Variants in CHODL observed in about 807,000 individuals in gnomAD.
CHODL encodes the protein chondrolectin.
In CHODL, 29 loss-of-function variants were observed where a neutral mutation model predicts 34.5. The observed-to-expected ratio is 0.84, with a 90% CI of 0.63 to 1.15. The LOEUF (loss-of-function observed/expected upper bound fraction) is 1.15, where lower values mean the gene tolerates loss of function less well. CHODL is among the 50% of genes most tolerant of loss of function. The pLI is 0.00. For synonymous variants in CHODL, 125 were observed against 116.1 expected (o/e 1.08, Z -0.49); for missense variants, 332 against 332.5 (o/e 1.00, Z 0.01).
chr21:18,100,083 TAAAAATA>T (rs1393063043), intron 2 of CHODL: 2 of 151,594 alleles, frequency 1.3e-5, no homozygotes, highest in Non-Finnish European at 2.9e-5. Flanking sequence ...CCACGACAAA[TAAAAATA>T]AAAATAAATA....
At chr21:18,019,483 G>A (rs1335659902) in intron 1 of CHODL, among the ~76,000 whole-genome samples, 1 of 151,976 alleles carries the variant, frequency 6.6e-6, no homozygotes, top group African/African-American at 2.4e-5. Flanking sequence ...TCAGTTGTTT[G>A]TAATACAAAG....
At chr21:18,075,197 C>T (rs75709256) in intron 2 of CHODL, among the ~76,000 whole-genome samples, 1 of 152,142 alleles carries the variant, frequency 6.6e-6, no homozygotes, top group African/African-American at 2.4e-5. Context: ...AAAGAATGCT[C>T]TCAGCCTCAT....
intron 2 of CHODL, among the ~76,000 whole-genome samples, chr21:18,138,597 G>A (rs1032565431): frequency 1.2e-4 from 19 of 152,214 alleles, no homozygotes; most frequent in African/African-American, 4.6e-4. Flanking sequence ...ATGGATGGAT[G>A]CATTGCCTTG....
intron 1 of CHODL, among the ~76,000 whole-genome samples, chr21:17,962,131 A>G (rs777780899): frequency 2.0e-5 from 3 of 152,216 alleles, no homozygotes; most frequent in Non-Finnish European, 4.4e-5. Flanking sequence ...ACCTATTTTC[A>G]GGGGTGTGGG....
At chr21:18,250,868 A>G (rs577278310) in intron 1 of CHODL, among the ~76,000 whole-genome samples, 1 of 151,942 alleles carries the variant, frequency 6.6e-6, no homozygotes, top group South Asian at 2.1e-4. Context: ...TTTTTTTGCA[A>G]CTAATGGTAG....
intron 2 of CHODL, among the ~76,000 whole-genome samples, chr21:18,041,760 C>T (rs2064378475): frequency 6.6e-6 from 1 of 151,774 alleles, no homozygotes; most frequent in Non-Finnish European, 1.5e-5. Context: ...CATAGAGGCT[C>T]ATATTACAAG....
At chr21:17,926,667 GC>G (rs1212881807) in intron 1 of CHODL, among the ~76,000 whole-genome samples, 2 of 151,942 alleles carry the variant, frequency 1.3e-5, no homozygotes, top group Non-Finnish European at 2.9e-5. Context: ...GACAGAAACC[GC>G]CCCCACGATT....
chr21:18,152,490 G>A (rs2072982193), intron 2 of CHODL, among the ~76,000 whole-genome samples: 1 of 152,166 alleles, frequency 6.6e-6, no homozygotes, highest in African/African-American at 2.4e-5. Context: ...CCTCTTTCAA[G>A]CTCATTGAAG....
At chr21:18,088,912 C>T (rs1461516819) in intron 2 of CHODL, among the ~76,000 whole-genome samples, 1 of 152,138 alleles carries the variant, frequency 6.6e-6, no homozygotes, top group Non-Finnish European at 1.5e-5. Flanking sequence ...CTTACCTAGC[C>T]TGTTCTCAGT....
intron 2 of CHODL, among the ~76,000 whole-genome samples, chr21:18,077,121 A>C (rs1286884196): frequency 4.6e-5 from 7 of 152,182 alleles, no homozygotes; most frequent in Admixed American, 2.6e-4. Context: ...GTAGAGCATT[A>C]AGTCAAAGAA....
intron 5 of CHODL, among the ~76,000 whole-genome samples, chr21:18,265,436 A>G (rs1269931542): frequency 6.6e-6 from 1 of 152,022 alleles, no homozygotes; most frequent in Non-Finnish European, 1.5e-5. Context: ...AAAACTAAGC[A>G]TCGTACATTC....
At chr21:18,117,364 T>C (rs951601946) in intron 2 of CHODL, among the ~76,000 whole-genome samples, 13 of 152,166 alleles carry the variant, frequency 8.5e-5, no homozygotes, top group Admixed American at 4.6e-4. Flanking sequence ...TGGGAAGTAC[T>C]GTGGTTTAAG....
At chr21:18,255,915 T>TTATATTAATATTACA (rs2074309867) in intron 1 of CHODL, among the ~76,000 whole-genome samples, 1 of 152,058 alleles carries the variant, frequency 6.6e-6, no homozygotes, top group South Asian at 2.1e-4. Flanking sequence ...TAGAACTCTA[T>TTATATTAATATTACA]CTTGTCACTT....
rs200948442 is a variant in CHODL at position 18,037,421 on chromosome 21, CTT to C, written c.-45+9453_-45+9454del. On this transcript the variant is annotated intron_variant, in intron 2 of 6. Transcript: ENST00000400127. ...CCTAAAATGGTAGAGTAAGAACAAT[CTT>C]TTAAAATTATCCATAGCAGGAAACA... 8.2e-3 allele frequency among the ~76,000 whole-genome samples: 1,238 copies of C among 151,880 alleles called. 17 individuals carry two copies. The highest frequency in any genetic ancestry group is 0.026 in the African/African-American group (1,084 of 41,474).
At position 18,256,647 on chromosome 21, in the gene CHODL, A is replaced by G. The variant is rs777145979; in HGVS notation, c.218A>G (p.Asn73Ser). 1.2e-6 allele frequency: 2 copies of G among 1,614,132 alleles called. No homozygotes were observed. The highest frequency in any genetic ancestry group is 1.7e-6 in the Non-Finnish European group (2 of 1,180,018). Residue 73 changes from asparagine (N) to serine (S), a missense_variant, in exon 2 of 6, where the codon AAT becomes AGT. By Grantham distance (46) the Asn-to-Ser change is conservative (BLOSUM62 1). Transcript: ENST00000299295. ...GGAGGAGTCCTCCTCAGCCTTGAGA[A>G]TGAAGCAGAACAGAAGTTAATAGAG... ...SEGGVLLSLE[N>S]EAEQKLIESM...
intron 1 of CHODL, among the ~76,000 whole-genome samples, chr21:17,995,689 C>G (rs925605397): frequency 6.6e-6 from 1 of 152,202 alleles, no homozygotes; most frequent in African/African-American, 2.4e-5. Flanking sequence ...GCTGTCACCA[C>G]CACCTTAATT....
At chr21:18,027,594 T>C (rs2064189779) in intron 1 of CHODL, among the ~76,000 whole-genome samples, 1 of 152,182 alleles carries the variant, frequency 6.6e-6, no homozygotes, top group Non-Finnish European at 1.5e-5. Context: ...GTGCGATGCC[T>C]TTTAATATTA....
In CHODL at chr21:18,245,263, C is replaced by T. The variant is rs2146779370; in HGVS notation, c.40C>T (p.Leu14Phe). The change falls in exon 1 of 6, where the codon CTC (leucine) becomes TTC (phenylalanine). Residue 14 changes from leucine to phenylalanine, a missense_variant. Transcript: ENST00000299295. ...VVSLLLGAALLCGHGAFCRRV... is the reference protein window; with the variant it reads ...VVSLLLGAALFCGHGAFCRRV... ...CTCGCTGCTGCTGGGCGCCGCGCTG[C>T]TCTGCGGCCACGGAGCCTTCTGCCG... 4 of 1,525,254 alleles carry T rather than the reference C, an allele frequency of 2.6e-6. No homozygotes were observed. The highest frequency in any genetic ancestry group is 2.6e-6 in the Non-Finnish European group (3 of 1,142,936). The allele number at this position is 1,525,254 out of a possible 1,614,324, so 94.5% of individuals were successfully genotyped here. A position where few individuals can be genotyped will look rare whatever the true frequency, so the allele number is the denominator to read the frequency against.
At position 18,060,225 on chromosome 21, in the gene CHODL, C is replaced by T. The variant is rs190704180; in HGVS notation, c.-45+32254C>T. The stretch of plus-strand genomic sequence containing the variant: ...ATCCCAGAACTTTGGGAGACCAAAG[C>T]AGGCAGATCGCTTGAGTTCAGGAGT... On this transcript the variant is annotated intron_variant, in intron 2 of 6. Transcript: ENST00000400127. 3.8e-3 allele frequency among the ~76,000 whole-genome samples: 585 copies of T among 152,194 alleles called. 4 individuals carry two copies. The highest frequency in any genetic ancestry group is 5.9e-3 in the Non-Finnish European group (398 of 68,022).
Sources: gnomAD v4.1 joint callset for allele counts (sites outside exome capture counted in the v4.1 genomes callset) on GRCh38, gnomAD v4.1.1 for gene constraint, MANE v1.5 for transcripts, NCBI Gene and HGNC (gene_info 2026-07-23, HGNC 2026-07-21) for gene names.